TFB1M: variants seen among roughly 807,000 people sequenced by gnomAD.
The protein encoded by TFB1M is dimethyladenosine transferase 1, mitochondrial.
In TFB1M, 27 loss-of-function variants were observed where a neutral mutation model predicts 31.1. The observed-to-expected ratio is 0.87, with a 90% CI of 0.64 to 1.20. TFB1M has a LOEUF of 1.20. TFB1M is among the 50% of genes most tolerant of loss of function. The pLI is 0.00. For synonymous variants in TFB1M, 166 were observed against 151.8 expected, an observed-to-expected ratio of 1.09 and a Z score of -0.69; for missense variants, 394 against 418.7, an observed-to-expected ratio of 0.94 and a Z score of 0.51.
At chr6:155,274,179 T>C (rs1420590551) in intron 5 of TFB1M, among the ~76,000 whole-genome samples, 1 of 152,152 alleles carries the variant, frequency 6.6e-6, no homozygotes, top group Admixed American at 6.5e-5. Flanking sequence ...TTTTGTAAAA[T>C]ACATATGAAT....
At chr6:155,260,629 C>A in intron 5 of TFB1M, 1 of 595,494 alleles carries the variant, frequency 1.7e-6, no homozygotes, top group Non-Finnish European at 3.0e-6. Context: ...ATGACATCCA[C>A]CAGACCTGTG....
chr6:155,263,845 A>G (rs1784499582), intron 5 of TFB1M, among the ~76,000 whole-genome samples: 1 of 152,078 alleles, frequency 6.6e-6, no homozygotes, highest in African/African-American at 2.4e-5. Flanking sequence ...GGTGTTCAAG[A>G]CCATTAGAGG....
In TFB1M at chr6:155,256,361, C is replaced by G; in HGVS notation, c.*1475G>C. The G allele has an allele frequency of 7.1e-7, 1 of 1,411,372 alleles. No individual in the cohort carries two copies. Among genetic ancestry groups the G allele is most frequent in the South Asian group, 1.4e-5 (1 of 70,652 alleles). The allele number at this position is 1,411,372 out of a possible 1,614,324, so 87.4% of individuals were successfully genotyped here. A position where few individuals can be genotyped will look rare whatever the true frequency, so the allele number is the denominator to read the frequency against. ...TTTTGCCTAATTACCAGGATAGTTG[C>G]TAACTGAAGTCATATCATAAAATAA... is the stretch of plus-strand genomic sequence containing the variant. On this transcript the variant is annotated 3_prime_UTR_variant, in exon 7 of 7. Coordinates refer to ENST00000367166, the MANE Select transcript of TFB1M (RefSeq NM_016020.4).
the TFB1M span, chr6:155,247,869 T>C: frequency 6.0e-6 from 7 of 1,170,488 alleles, no homozygotes; most frequent in South Asian, 9.1e-5. Flanking sequence ...CACTGATGTG[T>C]TGGGGTTTTC....
chr6:155,296,271 C>T (rs530839393), intron 4 of TFB1M, among the ~76,000 whole-genome samples: 1 of 151,726 alleles, frequency 6.6e-6, no homozygotes, highest in Non-Finnish European at 1.5e-5. Flanking sequence ...TTCCCGCATG[C>T]CCCGCCGAGA....
the TFB1M span, chr6:155,240,784 GATCAC>G: frequency 6.7e-7 from 1 of 1,488,782 alleles, no homozygotes; most frequent in Non-Finnish European, 9.0e-7. Flanking sequence ...GAGGTCCCCA[GATCAC>G]CTCTGCCCAG....
chr6:155,243,956 C>T, the TFB1M span: 540,078 of 1,462,978 alleles, frequency 0.37, 107,797 homozygotes, highest in Middle Eastern at 0.5. Flanking sequence ...ACCCAAATCT[C>T]ATGGGTATTT....
At chr6:155,238,166 C>A in the TFB1M span, among the ~76,000 whole-genome samples, 1 of 152,208 alleles carries the variant, frequency 6.6e-6, no homozygotes, top group Non-Finnish European at 1.5e-5. Flanking sequence ...TTCCACAGAT[C>A]TCTAGGGCAG....
chr6:155,278,059 T>C (rs1301601245), intron 5 of TFB1M, among the ~76,000 whole-genome samples: 2 of 152,252 alleles, frequency 1.3e-5, no homozygotes, highest in Non-Finnish European at 2.9e-5. Context: ...AGCCATTTTA[T>C]ATGAAATAAT....
At chr6:155,255,136 C>T (rs1783919089), downstream of TFB1M, 1 of 153,150 alleles carries the variant, frequency 6.5e-6, no homozygotes, top group Admixed American at 6.5e-5. Flanking sequence ...TCTGCCCAAC[C>T]ATAGGCTAAT....
chr6:155,264,736 G>C (rs1158249667), intron 5 of TFB1M, among the ~76,000 whole-genome samples: 1 of 152,172 alleles, frequency 6.6e-6, no homozygotes, highest in Non-Finnish European at 1.5e-5. Flanking sequence ...GAGGCCAAGA[G>C]AATGACAGCA....
At chr6:155,261,342 C>A (rs17813321) in intron 5 of TFB1M, among the ~76,000 whole-genome samples, 1 of 152,172 alleles carries the variant, frequency 6.6e-6, no homozygotes, top group African/African-American at 2.4e-5. Flanking sequence ...GAAGAAAGTA[C>A]GGCAATTTAG....
the TFB1M span, among the ~76,000 whole-genome samples, chr6:155,243,713 G>A: frequency 6.6e-6 from 1 of 151,958 alleles, no homozygotes; most frequent in Admixed American, 6.6e-5. Flanking sequence ...TGAGTGTGGT[G>A]GAGCACACCT....
At chr6:155,300,583 C>T (rs1320271061) in intron 2 of TFB1M, among the ~76,000 whole-genome samples, 1 of 151,974 alleles carries the variant, frequency 6.6e-6, no homozygotes, top group East Asian at 1.9e-4. Context: ...AACAAAGAGG[C>T]AGAACTAATA....
In TFB1M at chr6:155,257,433, C is replaced by T. The variant is rs779291855; in HGVS notation, c.*403G>A. On this transcript the variant is annotated 3_prime_UTR_variant, in exon 7 of 7. Coordinates refer to ENST00000367166, the MANE Select transcript of TFB1M (RefSeq NM_016020.4). ...GTGGAAAAAGTAAGGCTGGGGAAGT[C>T]GTGATTAATAGTTTTCAAAGGGCCA... The T allele has an allele frequency of 3.4e-5, 12 of 350,662 alleles. No individual in the cohort carries two copies. Among genetic ancestry groups the T allele is most frequent in the Admixed American group, 4.6e-5 (1 of 21,642 alleles). The allele number at this position is 350,662 out of a possible 1,614,324, so 21.7% of individuals were successfully genotyped here.
chr6:155,300,349 T>C (rs1777368373), intron 2 of TFB1M, among the ~76,000 whole-genome samples: 1 of 152,214 alleles, frequency 6.6e-6, no homozygotes, highest in African/African-American at 2.4e-5. Flanking sequence ...TTATTTTAAA[T>C]TACCACTAGT....
At chr6:155,254,371 G>C (rs986315549), downstream of TFB1M, 1 of 1,595,104 alleles carries the variant, frequency 6.3e-7, no homozygotes, top group Admixed American at 1.7e-5. Context: ...ATGGAAGCAC[G>C]ATGAACACTG....
chr6:155,241,325 C>A, the TFB1M span, among the ~76,000 whole-genome samples: 20 of 152,298 alleles, frequency 1.3e-4, no homozygotes, highest in African/African-American at 4.1e-4. Context: ...GAGCAGAGTT[C>A]TTTTGCTTTG....
At chr6:155,305,877 A>G (rs1777742589) in intron 2 of TFB1M, among the ~76,000 whole-genome samples, 1 of 148,834 alleles carries the variant, frequency 6.7e-6, no homozygotes, top group African/African-American at 2.5e-5. Context: ...ATTGCACTTC[A>G]TAAACATGAA....
Sources: allele counts gnomAD v4.1 joint callset (sites outside exome capture counted in the v4.1 genomes callset), GRCh38; gene constraint gnomAD v4.1.1; transcripts MANE v1.5; gene names NCBI Gene and HGNC (gene_info 2026-07-23, HGNC 2026-07-21).